LLGL2: variants seen among roughly 807,000 people sequenced by gnomAD.
The protein encoded by LLGL2 is LLGL scribble cell polarity complex component 2.
Under a neutral mutation model 123.2 loss-of-function variants are expected in LLGL2, and 81 were observed. The ratio of observed to expected loss-of-function variants is 0.66; its 90% CI spans 0.55 to 0.79. The LOEUF is 0.79. Ranked by LOEUF, LLGL2 falls within the 30% of genes least tolerant of loss-of-function variation. The pLI is 0.00. For synonymous variants in LLGL2, 577 were observed against 594.1 expected (o/e 0.97, Z 0.42); for missense variants, 1,273 against 1,414.6 (o/e 0.90, Z 1.61).
chr17:75,569,947 C>G lies in LLGL2; in HGVS notation c.1582-16C>G. The G allele has an allele frequency of 6.4e-7, 1 of 1,565,938 alleles. No homozygotes were observed. The highest frequency in any genetic ancestry group is 8.7e-7 in the Non-Finnish European group (1 of 1,152,530). ...CTTTGCTGAGGGCTTGCTGAGCCAC[C>G]TGCCACCCTGCGCAGGTGCTGGTAC... is the stretch of plus-strand genomic sequence containing the variant. On this transcript the variant is annotated splice_polypyrimidine_tract_variant and intron_variant, in intron 14 of 25. Transcript: ENST00000392550.
intron 2 of LLGL2, 104 bp downstream of exon 2, chr17:75,543,605 G>A (rs771774032): frequency 3.3e-5 from 27 of 812,906 alleles, no homozygotes; most frequent in African/African-American, 7.0e-5. Context: ...GCTCTTATGT[G>A]ACTGCCTGCA....
Position 75,563,654 on chromosome 17 carries a change from A to G in LLGL2, c.827-98A>G. 3.3e-6 allele frequency: 5 copies of G among 1,497,286 alleles called. No homozygotes were observed. In the South Asian group the frequency reaches 5.7e-5, roughly 17 times the overall value. 92.8% of individuals were successfully genotyped at this position (1,497,286 alleles called of 1,614,324 possible). On this transcript the variant is annotated intron_variant, in intron 8 of 25. Transcript: ENST00000392550. ...CAAGATTCCCAAGCACAGGTCTACC[A>G]TGTGGATGTGGCATGAGCTAGAGGG...
rs1396797634 is a variant in LLGL2, at chr17:75,549,008, G to T, written c.75+5507G>T. ...AGGGGAGGAGACTAAGGCCCCCAGGGCTTGCACAGCTGGAGCTTATCCGGG... is the reference window on the plus strand; with the variant it reads ...AGGGGAGGAGACTAAGGCCCCCAGGTCTTGCACAGCTGGAGCTTATCCGGG... On this transcript the variant is annotated intron_variant, in intron 2 of 25. Coordinates refer to ENST00000392550, the MANE Select transcript of LLGL2 (RefSeq NM_001031803.2). This position sits in a 1 kb window ranked among gnomAD's most constrained non-coding sequence, Gnocchi z 4.0. Among the ~76,000 whole-genome samples the T allele has an allele frequency of 6.6e-6, 1 of 152,138 alleles. No individual in the cohort carries two copies. Among genetic ancestry groups the T allele is most frequent in the Non-Finnish European group, 1.5e-5 (1 of 68,012 alleles).
chr17:75,531,817 G>A (rs2053798181), intron 1 of LLGL2, among the ~76,000 whole-genome samples: 1 of 152,148 alleles, frequency 6.6e-6, no homozygotes, highest in Non-Finnish European at 1.5e-5. Context: ...AGAGGAAACT[G>A]GCTTTGAATA....
chr17:75,528,455 A>ATT (rs2053654929), intron 1 of LLGL2, among the ~76,000 whole-genome samples: 1 of 152,148 alleles, frequency 6.6e-6, no homozygotes, highest in South Asian at 2.1e-4. Flanking sequence ...AAAAGAAAAA[A>ATT]AGGCCAGGCG....
chr17:75,557,813 TCACAGGTGCTAC>T, intron 3 of LLGL2: 1 of 376,500 alleles, frequency 2.7e-6, no homozygotes, highest in South Asian at 2.1e-5. Context: ...GTGTGTTTTT[TCACAGGTGCTAC>T]CAAGCGACAG....
At position 75,574,592 on chromosome 17, in the gene LLGL2, C is replaced by T. The variant is rs2055888855; in HGVS notation, c.2997-18C>T. On this transcript the variant is annotated intron_variant, in intron 24 of 25. Transcript: ENST00000392550. ...GGAGGTCCCTGAGGCCATGACTCCC[C>T]TGTCTTTGCCTGTGCAGGAGCGGCA... The T allele has an allele frequency of 6.2e-7, 1 of 1,611,536 alleles. No individual in the cohort carries two copies. Among genetic ancestry groups the T allele is most frequent in the African/African-American group, 1.3e-5 (1 of 74,914 alleles).
rs1422290328 is a variant in LLGL2, at chr17:75,559,956, G to A, written c.530+546G>A. Among the ~76,000 whole-genome samples the A allele has an allele frequency of 6.6e-6, 1 of 152,070 alleles. No homozygotes were observed. Among genetic ancestry groups the A allele is most frequent in the South Asian group, 2.1e-4 (1 of 4,830 alleles). ...TCAGGTCCGGGTGGGAGAAGGGGAC[G>A]GGGCCCAAAAAAAGAGAGGAGATAG... On this transcript the variant is annotated intron_variant, in intron 6 of 25. Transcript: ENST00000392550. This position sits in a 1 kb window ranked among gnomAD's most constrained non-coding sequence, Gnocchi z 4.6.
chr17:75,554,320 A>G (rs989118792), intron 2 of LLGL2, among the ~76,000 whole-genome samples: 2 of 145,766 alleles, frequency 1.4e-5, no homozygotes, highest in Admixed American at 1.4e-4. Flanking sequence ...AAAAAAAAAA[A>G]GCCATTTTAG....
At chr17:75,551,093 T>C (rs2054652242) in intron 2 of LLGL2, among the ~76,000 whole-genome samples, 2 of 152,120 alleles carry the variant, frequency 1.3e-5, no homozygotes, top group African/African-American at 4.8e-5. Context: ...AGACAGGTCA[T>C]TTACACATGA....
At chr17:75,574,521 GGTGGGCCCGAGGCTCTGCCA>G (rs768614595) in intron 24 of LLGL2, 26 bp downstream of exon 24, 14 of 1,572,374 alleles carry the variant, frequency 8.9e-6, no homozygotes, top group Non-Finnish European at 4.3e-6. Context: ...GGCCAGCTGG[GGTGGGCCCGAGGCTCTGCCA>G]GAGGGCTCAG....
chr17:75,547,824 C>CAAGAAAAAA (rs2054493963), intron 2 of LLGL2, among the ~76,000 whole-genome samples: 1 of 139,592 alleles, frequency 7.2e-6, no homozygotes. Context: ...GACCCTGTCT[C>CAAGAAAAAA]AAAAAAAAAA....
chr17:75,557,878 C>T (rs534188459), intron 3 of LLGL2: 5 of 483,000 alleles, frequency 1.0e-5, no homozygotes, highest in Admixed American at 9.7e-5. Flanking sequence ...GGCAGCCTGA[C>T]AGTTGCCAGG....
intron 21 of LLGL2, 150 bp downstream of exon 21, chr17:75,573,781 G>C (rs973570634): frequency 1.7e-6 from 2 of 1,209,458 alleles, no homozygotes; most frequent in Admixed American, 2.3e-5. Context: ...GCCTCTTTGC[G>C]TGCCCCTTGC....
intron 6 of LLGL2, among the ~76,000 whole-genome samples, chr17:75,560,426 C>T (rs1252444748): frequency 2.6e-5 from 4 of 152,088 alleles, no homozygotes; most frequent in South Asian, 4.1e-4. Context: ...ATCTAGTCGG[C>T]GGGGGGGCCC....
At chr17:75,563,647 GTC>G in intron 8 of LLGL2, 103 bp from the exon 9 acceptor site, 11 of 1,495,968 alleles carry the variant, frequency 7.4e-6, no homozygotes, top group Non-Finnish European at 9.3e-6. Context: ...CCAAGCACAG[GTC>G]TACCATGTGG....
In LLGL2 at chr17:75,570,395, C is replaced by T. The variant is rs1310280137; in HGVS notation, c.1922C>T (p.Ser641Phe). Residue 641 changes from serine to phenylalanine, a missense_variant, in exon 16 of 26, where the codon TCC (serine) becomes TTC (phenylalanine). Transcript: ENST00000392550. Reference sequence around the variant, plus strand: ...CAGCTGGCCTTGGAGGGCCCACTCTCCCGCGTCAAGTCCCTCAAGAAGTCC... The same window carrying T: ...CAGCTGGCCTTGGAGGGCCCACTCTTCCGCGTCAAGTCCCTCAAGAAGTCC... ...SDQLALEGPL[S>F]RVKSLKKSLR... 6.2e-7 allele frequency: 1 copy of T among 1,610,972 alleles called. No individual in the cohort carries two copies. Among genetic ancestry groups the T allele is most frequent in the Non-Finnish European group, 8.5e-7 (1 of 1,179,158 alleles).
chr17:75,573,093 G>T lies in LLGL2; in HGVS notation c.2540G>T (p.Ser847Ile), dbSNP rs770556188. ...GAGGGCTCAAGAGTGCGGCGGGTCA[G>T]CGTGGCCCACTTCGGCAGTCGTCGA... ...ALEGSRVRRV[S>I]VAHFGSRRAE... is the part of the protein sequence containing the mutation. Residue 847 changes from serine to isoleucine, a missense_variant, in exon 20 of 26, where the codon AGC (serine) becomes ATC (isoleucine). Ser to Ile is a moderately radical substitution (Grantham distance 142). Coordinates refer to ENST00000392550, the MANE Select transcript of LLGL2 (RefSeq NM_001031803.2). The T allele has an allele frequency of 6.2e-7, 1 of 1,612,790 alleles. No homozygotes were observed. The highest frequency in any genetic ancestry group is 8.5e-7 in the Non-Finnish European group (1 of 1,179,922).
rs1210915290 is a variant in LLGL2 at position 75,549,396 on chromosome 17, G to A, written c.75+5895G>A. The stretch of plus-strand genomic sequence containing the variant: ...CCACACCCATCAGGGCAAACAGGCT[G>A]CTGTGCTTGCCCGGCTGCCGCAGAA... On this transcript the variant is annotated intron_variant, in intron 2 of 25. Coordinates refer to ENST00000392550, the MANE Select transcript of LLGL2 (RefSeq NM_001031803.2). The surrounding 1 kb of genome is among the most constrained non-coding windows in gnomAD (Gnocchi z 4.0). Among the ~76,000 whole-genome samples, 1 of 152,178 alleles carries A rather than the reference G, an allele frequency of 6.6e-6. No homozygotes were observed. Among genetic ancestry groups the A allele is most frequent in the East Asian group, 1.9e-4 (1 of 5,192 alleles).
Sources: gnomAD v4.1 joint callset for allele counts (sites outside exome capture counted in the v4.1 genomes callset) on GRCh38, gnomAD v4.1.1 for gene constraint, Gnocchi (gnomAD v3.1) non-coding constraint, MANE v1.5 for transcripts, NCBI Gene and HGNC (gene_info 2026-07-23, HGNC 2026-07-21) for gene names.